The following SGMS2 variants were observed in gnomAD, a reference collection of about 807,000 sequenced individuals.
The protein encoded by SGMS2 is sphingomyelin synthase 2, also known as phosphatidylcholine:ceramide cholinephosphotransferase 2.
A neutral mutation model predicts 43.8 loss-of-function variants in SGMS2; 21 were observed. The observed-to-expected ratio is 0.48, with a 90% CI of 0.34 to 0.69. The LOEUF is 0.69. SGMS2 is among the 30% of genes least tolerant of loss of function. SGMS2 has a pLI of 0.01. For synonymous variants in SGMS2, 167 were observed against 160.6 expected (o/e 1.04, Z -0.30); for missense variants, 384 against 443.2 (o/e 0.87, Z 1.20).
chr4:107,898,263 A>T (rs1578644807), intron 3 of SGMS2, among the ~76,000 whole-genome samples: 1 of 148,870 alleles, frequency 6.7e-6, no homozygotes, highest in Non-Finnish European at 1.5e-5. Context: ...GTTCCCTTCT[A>T]TTTTTTTTTT....
At chr4:107,840,108 A>G (rs1302656220) in intron 1 of SGMS2, among the ~76,000 whole-genome samples, 1 of 152,208 alleles carries the variant, frequency 6.6e-6, no homozygotes, top group Non-Finnish European at 1.5e-5. Flanking sequence ...GTTTTAATCC[A>G]CATAACTTTT....
chr4:107,842,395 A>G (rs1179028491), intron 1 of SGMS2, among the ~76,000 whole-genome samples: 1 of 152,136 alleles, frequency 6.6e-6, no homozygotes, highest in Non-Finnish European at 1.5e-5. Context: ...GGTGCCACAC[A>G]CTTTTAAACA....
At chr4:107,906,231 G>T (rs561255154) in intron 5 of SGMS2, among the ~76,000 whole-genome samples, 1 of 151,924 alleles carries the variant, frequency 6.6e-6, no homozygotes, top group East Asian at 1.9e-4. Context: ...GATCAGTTTG[G>T]GCTCTTTTCC....
intron 1 of SGMS2, among the ~76,000 whole-genome samples, chr4:107,827,458 G>A (rs1262363044): frequency 6.6e-6 from 1 of 152,162 alleles, no homozygotes; most frequent in Non-Finnish European, 1.5e-5. Flanking sequence ...GACAAGAAGT[G>A]ATTAGGCCGT....
chr4:107,908,701 T>C lies in SGMS2; in HGVS notation c.864T>C (p.Phe288=). 2 of 1,613,922 alleles carry C rather than the reference T, an allele frequency of 1.2e-6. No individual in the cohort carries two copies. Among genetic ancestry groups the C allele is most frequent in the Middle Eastern group, 3.3e-4 (2 of 6,058 alleles). Residue 288 remains phenylalanine, a synonymous_variant, in exon 6 of 7, where the codon TTT becomes TTC. Coordinates refer to ENST00000690982, the MANE Select transcript of SGMS2 (RefSeq NM_001375905.1). ...IIAYYITTRL[F]WWYHSMANEK... Reference sequence around the variant, plus strand: ...CTTATTATATCACAACACGACTGTTTTGGTGGTACCATTCAATGGCCAATG... The same window carrying C: ...CTTATTATATCACAACACGACTGTTCTGGTGGTACCATTCAATGGCCAATG...
intron 1 of SGMS2, among the ~76,000 whole-genome samples, chr4:107,852,726 T>A (rs2126017650): frequency 6.7e-6 from 1 of 149,482 alleles, no homozygotes; most frequent in African/African-American, 2.5e-5. Context: ...ATGTCTCTTA[T>A]TATTGGACAC....
chr4:107,898,823 GGA>G (rs1033342312), intron 3 of SGMS2, among the ~76,000 whole-genome samples: 33 of 152,254 alleles, frequency 2.2e-4, no homozygotes, highest in Middle Eastern at 3.4e-3. Flanking sequence ...GCTGATGTTA[GGA>G]CAACGTTCTT....
chr4:107,899,584 G>A lies in SGMS2; in HGVS notation c.465G>A (p.Val155=), dbSNP rs760162494. The A allele has an allele frequency of 1.4e-5, 23 of 1,608,910 alleles. No individual in the cohort carries two copies. Among genetic ancestry groups the A allele is most frequent in the East Asian group, 4.5e-5 (2 of 44,658 alleles). ...QWLFLRYKSI[V]GRRFCFIIGT... Reference sequence around the variant, plus strand: ...CTATTTTTTCTTTTAGGTCAATAGTGGGACGCAGATTCTGTTTTATTATTG... The same window carrying A: ...CTATTTTTTCTTTTAGGTCAATAGTAGGACGCAGATTCTGTTTTATTATTG... The change falls in exon 4 of 7, where the codon GTG becomes GTA. Residue 155 remains valine (V), a synonymous_variant. Coordinates refer to ENST00000690982, the MANE Select transcript of SGMS2 (RefSeq NM_001375905.1).
intron 2 of SGMS2, among the ~76,000 whole-genome samples, chr4:107,860,129 TAAGC>T (rs981354635): frequency 2.0e-5 from 3 of 152,058 alleles, no homozygotes; most frequent in African/African-American, 7.2e-5. Context: ...TATGCATAAA[TAAGC>T]AAATAGGAAT....
intron 1 of SGMS2, among the ~76,000 whole-genome samples, chr4:107,847,195 A>C (rs1253145623): frequency 6.6e-6 from 1 of 151,830 alleles, no homozygotes; most frequent in African/African-American, 2.4e-5. Context: ...GCCCATGCCT[A>C]TGTCCTGAAT....
At chr4:107,834,260 A>G (rs1158145068) in intron 1 of SGMS2, among the ~76,000 whole-genome samples, 2 of 152,324 alleles carry the variant, frequency 1.3e-5, no homozygotes, top group African/African-American at 2.4e-5. Flanking sequence ...GTTTTATTTT[A>G]TATGTAAAAT....
At chr4:107,839,871 G>T (rs1240348849) in intron 1 of SGMS2, among the ~76,000 whole-genome samples, 2 of 151,962 alleles carry the variant, frequency 1.3e-5, no homozygotes, top group Non-Finnish European at 2.9e-5. Flanking sequence ...TCTATTTCTT[G>T]AACTCTTGCA....
At chr4:107,841,896 C>T (rs1328259749) in intron 1 of SGMS2, among the ~76,000 whole-genome samples, 1 of 152,064 alleles carries the variant, frequency 6.6e-6, no homozygotes, top group Admixed American at 6.5e-5. Flanking sequence ...AGTAATCCTC[C>T]TGCCTTGGCC....
intron 1 of SGMS2, among the ~76,000 whole-genome samples, chr4:107,852,746 A>ATTTTTTT (rs56359938): frequency 0.056 from 8,229 of 146,532 alleles, 314 homozygotes; most frequent in Admixed American, 0.1. Context: ...CTTGTTTCTC[A>ATTTTTTT]TTTTTTTTTT....
At chr4:107,857,894 A>G (rs896521233) in intron 1 of SGMS2, among the ~76,000 whole-genome samples, 1 of 151,236 alleles carries the variant, frequency 6.6e-6, no homozygotes, top group Admixed American at 6.6e-5. Flanking sequence ...AGTTCACAAT[A>G]CTCCCGCCGT....
chr4:107,826,239 T>C (rs1357584204), intron 1 of SGMS2, among the ~76,000 whole-genome samples: 7 of 152,362 alleles, frequency 4.6e-5, no homozygotes, highest in African/African-American at 1.2e-4. Flanking sequence ...TATAGCTGTT[T>C]ATATATAAAT....
At chr4:107,888,403 T>C (rs1229210449) in intron 2 of SGMS2, among the ~76,000 whole-genome samples, 1 of 152,140 alleles carries the variant, frequency 6.6e-6, no homozygotes, top group Non-Finnish European at 1.5e-5. Context: ...AACTTGATAA[T>C]ATAAAAGTTT....
At chr4:107,881,315 G>A (rs947253828) in intron 2 of SGMS2, among the ~76,000 whole-genome samples, 2 of 151,964 alleles carry the variant, frequency 1.3e-5, no homozygotes, top group Non-Finnish European at 2.9e-5. Context: ...TGATGCTATT[G>A]TTGATCTTTT....
chr4:107,900,559 T>C (rs187357444), intron 4 of SGMS2, among the ~76,000 whole-genome samples: 3 of 152,220 alleles, frequency 2.0e-5, no homozygotes, highest in Non-Finnish European at 2.9e-5. Context: ...ACTGAGATAG[T>C]GTGTGAGGAT....
Sources: allele counts gnomAD v4.1 joint callset (sites outside exome capture counted in the v4.1 genomes callset), GRCh38; gene constraint gnomAD v4.1.1; transcripts MANE v1.5; gene names NCBI Gene and HGNC (gene_info 2026-07-23, HGNC 2026-07-21).